AGBL5: variants seen among roughly 807,000 people sequenced by gnomAD.
AGBL5 encodes cytosolic carboxypeptidase-like protein 5.
In AGBL5, 51 loss-of-function variants were observed where a neutral mutation model predicts 88.0. The ratio of observed to expected loss-of-function variants is 0.58; its 90% CI spans 0.46 to 0.73. The LOEUF is 0.73. Among genes scored for constraint, AGBL5 ranks in the 30% least tolerant of loss-of-function variants. AGBL5 has a pLI of 0.00. For missense variants in AGBL5, 1,031 were observed against 1,162.2 expected, an observed-to-expected ratio of 0.89 and a Z score of 1.64; for synonymous variants, 446 against 438.8, an observed-to-expected ratio of 1.02 and a Z score of -0.21.
At chr2:27,055,550 CT>C (rs1416092860) in intron 6 of AGBL5, 131 bp from the exon 7 acceptor site, 2 of 926,592 alleles carry the variant, frequency 2.2e-6, no homozygotes, top group Non-Finnish European at 3.2e-6. Flanking sequence ...GTCTTCAATT[CT>C]TTCTTTCCTA....
Position 27,053,338 on chromosome 2 carries a change from C to T in AGBL5, c.216-64C>T. 6.4e-7 allele frequency: 1 copy of T among 1,570,718 alleles called. No homozygotes were observed. The highest frequency in any genetic ancestry group is 8.6e-7 in the Non-Finnish European group (1 of 1,157,102). On this transcript the variant is annotated intron_variant, in intron 2 of 14. Transcript: ENST00000360131. This position sits in a 1 kb window ranked among gnomAD's most constrained non-coding sequence, Gnocchi z 4.9. ...TTTCCCAGTTTGGCTGGCTCCGGCT[C>T]TCCCACAGACCATATCTCCAACCCT... is the stretch of plus-strand genomic sequence containing the variant.
upstream of AGBL5, among the ~76,000 whole-genome samples, chr2:27,050,783 C>T (rs1006333822): frequency 2.0e-5 from 3 of 152,330 alleles, no homozygotes; most frequent in African/African-American, 2.4e-5. Context: ...GCAGCGGAGC[C>T]TTCGATAGCT....
Position 27,053,835 on chromosome 2 carries a change from A to C in AGBL5, c.388-61A>C. 1 of 1,556,434 alleles carries C rather than the reference A, an allele frequency of 6.4e-7. No individual in the cohort carries two copies. The highest frequency in any genetic ancestry group is 1.2e-5 in the South Asian group (1 of 82,014). ...TGTGAGGTCAGTTCCTGGTGGTCCC[A>C]GTAGGAGCTCAGTTCTGACAATGGC... On this transcript the variant is annotated intron_variant, in intron 3 of 14. Coordinates refer to ENST00000360131, the MANE Select transcript of AGBL5 (RefSeq NM_021831.6). This position sits in a 1 kb window ranked among gnomAD's most constrained non-coding sequence, Gnocchi z 4.9.
rs1668452745 is a variant in AGBL5 at position 27,056,803 on chromosome 2, A to G, written c.1535+11A>G. 6.3e-7 allele frequency: 1 copy of G among 1,592,866 alleles called. No homozygotes were observed. Among genetic ancestry groups the G allele is most frequent in the Non-Finnish European group, 8.6e-7 (1 of 1,166,982 alleles). ...AGGGATAATCCACAGGTTGGGTGGA[A>G]GCTGAGATATAGTTGATGAAATAGC... is the stretch of plus-strand genomic sequence containing the variant. On this transcript the variant is annotated intron_variant, in intron 8 of 14. Transcript: ENST00000360131.
At chr2:27,067,252 TAAAA>T (rs36064257) in intron 11 of AGBL5, among the ~76,000 whole-genome samples, 5 of 104,480 alleles carry the variant, frequency 4.8e-5, no homozygotes, top group African/African-American at 7.3e-5. Flanking sequence ...TGGAAACCTT[TAAAA>T]AAAAAAAAAA....
At chr2:27,058,768 G>A (rs888908595) in intron 10 of AGBL5, among the ~76,000 whole-genome samples, 166 bp downstream of exon 10, 2 of 152,194 alleles carry the variant, frequency 1.3e-5, no homozygotes, top group Non-Finnish European at 2.9e-5. Flanking sequence ...CTTTTAGAAT[G>A]GGATCCTCTT....
chr2:27,064,714 T>TC (rs1470161471), intron 11 of AGBL5, among the ~76,000 whole-genome samples: 1 of 151,230 alleles, frequency 6.6e-6, no homozygotes, highest in Non-Finnish European at 1.5e-5. Flanking sequence ...ATTTTTTTTT[T>TC]CCATTCAATT....
chr2:27,063,573 C>T (rs944823693), intron 11 of AGBL5, among the ~76,000 whole-genome samples: 2 of 143,084 alleles, frequency 1.4e-5, no homozygotes, highest in African/African-American at 2.6e-5. Context: ...CCAACCTGGG[C>T]GACAGAGCGA....
At position 27,054,447 on chromosome 2, in the gene AGBL5, A is replaced by T. The variant is rs17005797; in HGVS notation, c.552-183A>T. ...GAACAACAAGTTCACCCTGTCCTGTACTCTTCATTCTGGCAATGTAAACCC... is the reference window on the plus strand; with the variant it reads ...GAACAACAAGTTCACCCTGTCCTGTTCTCTTCATTCTGGCAATGTAAACCC... On this transcript the variant is annotated intron_variant, in intron 4 of 14. Transcript: ENST00000360131. Among the ~76,000 whole-genome samples, 4,930 of 152,160 alleles carry T rather than the reference A, an allele frequency of 0.032. 178 individuals carry two copies. Among genetic ancestry groups the T allele is most frequent in the African/African-American group, 0.092 (3,796 of 41,476 alleles).
chr2:27,068,885 G>T, intron 13 of AGBL5, 141 bp downstream of exon 13: 1 of 1,499,494 alleles, frequency 6.7e-7, no homozygotes. Flanking sequence ...TCTGGTGCCT[G>T]AGTGCCTGTC....
At chr2:27,066,489 T>C (rs978446515) in intron 11 of AGBL5, among the ~76,000 whole-genome samples, 5 of 151,428 alleles carry the variant, frequency 3.3e-5, no homozygotes, top group African/African-American at 1.2e-4. Flanking sequence ...ACAGAGTGAT[T>C]TGGGAGTTTA....
chr2:27,053,506 C>T lies in AGBL5; in HGVS notation c.320C>T (p.Ala107Val), dbSNP rs866495138. 6 of 1,614,122 alleles carry T rather than the reference C, an allele frequency of 3.7e-6. No individual in the cohort carries two copies. In the Admixed American group the frequency reaches 6.7e-5, roughly 18 times the overall value. Residue 107 changes from alanine (A) to valine (V), a missense_variant, in exon 3 of 15, where the codon GCC becomes GTC. Ala to Val is a moderately conservative substitution (Grantham distance 64). This residue lies in a region of AGBL5 where 540 missense variants were observed against 678.2 expected (regional missense o/e 0.80). Coordinates refer to ENST00000360131, the MANE Select transcript of AGBL5 (RefSeq NM_021831.6). The surrounding 1 kb of genome is among the most constrained non-coding windows in gnomAD (Gnocchi z 4.9). ...KQSKLYSQGM[A>V]PFVRTLPTRP... is the part of the protein sequence containing the mutation. ...AGCAAGCTGTATTCCCAGGGCATGG[C>T]CCCCTTTGTGCGCACACTGCCCACC...
chr2:27,053,143 G>C lies in AGBL5; in HGVS notation c.185G>C (p.Cys62Ser), dbSNP rs942030966. 1 of 1,604,320 alleles carries C rather than the reference G, an allele frequency of 6.2e-7. No homozygotes were observed. Among genetic ancestry groups the C allele is most frequent in the African/African-American group, 1.3e-5 (1 of 74,816 alleles). ...YEFNVWTRPD[C>S]AETEFENGNR... ...TTCAACGTGTGGACCCGACCAGACT[G>C]TGCTGAAACGGAATTTGAGAATGGG... The change falls in exon 2 of 15, where the codon TGT becomes TCT. Residue 62 changes from cysteine to serine, a missense_variant. Cys to Ser is a moderately radical substitution (Grantham distance 112, BLOSUM62 -1). Transcript: ENST00000360131. This position sits in a 1 kb window ranked among gnomAD's most constrained non-coding sequence, Gnocchi z 4.9.
intron 12 of AGBL5, chr2:27,067,879 T>C (rs1245514373): frequency 1.7e-5 from 10 of 585,516 alleles, no homozygotes; most frequent in Non-Finnish European, 3.1e-5. Context: ...TCTACACACT[T>C]AATCTCATTT....
intron 14 of AGBL5, 170 bp from the exon 15 acceptor site, chr2:27,069,922 G>C: frequency 1.0e-6 from 1 of 985,426 alleles, no homozygotes. Flanking sequence ...CAGGGCCTAA[G>C]GTCTAGGAGC....
At position 27,056,715 on chromosome 2, in the gene AGBL5, C is replaced by A. The variant is rs369251730; in HGVS notation, c.1458C>A (p.Ala486=). 130 of 1,613,758 alleles carry A rather than the reference C, an allele frequency of 8.1e-5. 1 individual carries two copies. The South Asian group carries it at 1.0e-3, about 13-fold the overall frequency. Residue 486 remains alanine (A), a synonymous_variant, in exon 8 of 15, where the codon GCC becomes GCA. Coordinates refer to ENST00000360131, the MANE Select transcript of AGBL5 (RefSeq NM_021831.6). ...ATTTCTCAGAGAAGAATATGTATGC[C>A]CGAGACCGTAGAGATGGCCAGTCTA... The part of the protein sequence containing the change: ...GCNFSEKNMY[A]RDRRDGQSKE...
intron 11 of AGBL5, among the ~76,000 whole-genome samples, chr2:27,065,567 GA>G: frequency 6.6e-6 from 1 of 152,330 alleles, no homozygotes; most frequent in African/African-American, 2.4e-5. Flanking sequence ...CTACTCCCAA[GA>G]AACTCAAGTT....
intron 10 of AGBL5, 115 bp from the exon 11 acceptor site, chr2:27,059,074 TG>T: frequency 1.1e-6 from 1 of 949,322 alleles, no homozygotes; most frequent in Non-Finnish European, 1.6e-6. Flanking sequence ...TTCCTTGGGA[TG>T]GGTCCCTGTG....
intron 4 of AGBL5, 27 bp from the exon 5 acceptor site, chr2:27,054,600 TCTC>T (rs759764736): frequency 1.1e-5 from 18 of 1,598,844 alleles, no homozygotes; most frequent in Non-Finnish European, 1.5e-5. Flanking sequence ...TTTAGGGACT[TCTC>T]CTGGCTTAAT....
Sources: gnomAD v4.1 joint callset for allele counts (sites outside exome capture counted in the v4.1 genomes callset) on GRCh38, gnomAD v4.1.1 for gene constraint, gnomAD v4.1.1 regional missense constraint, Gnocchi (gnomAD v3.1) non-coding constraint, MANE v1.5 for transcripts, NCBI Gene and HGNC (gene_info 2026-07-23, HGNC 2026-07-21) for gene names.